DGKI: variants seen among roughly 807,000 people sequenced by gnomAD.
DGKI encodes DAG kinase iota.
A neutral mutation model predicts 147.5 loss-of-function variants in DGKI; 55 were observed. That is an observed-to-expected ratio of 0.37 (90% confidence interval 0.30 to 0.47). The LOEUF is 0.47. DGKI is among the 20% of genes least tolerant of loss of function. The pLI, the probability that DGKI is intolerant of heterozygous loss-of-function variation, is 1.00. For synonymous variants in DGKI, 469 were observed against 477.1 expected (o/e 0.98, Z 0.22); for missense variants, 1,007 against 1,323.8 (o/e 0.76, Z 3.71).
At chr7:137,439,376 C>A (rs1362037849) in intron 28 of DGKI, among the ~76,000 whole-genome samples, 1 of 152,166 alleles carries the variant, frequency 6.6e-6, no homozygotes, top group East Asian at 1.9e-4. Flanking sequence ...ACTCACAGTT[C>A]CATATGGCTG....
chr7:137,402,597 G>A (rs1811799893), intron 30 of DGKI, among the ~76,000 whole-genome samples: 1 of 152,178 alleles, frequency 6.6e-6, no homozygotes, highest in Admixed American at 6.5e-5. Context: ...TTTGTCACAT[G>A]CATCCTTTAA....
intron 20 of DGKI, among the ~76,000 whole-genome samples, chr7:137,535,325 T>A (rs936742686): frequency 6.6e-6 from 1 of 152,156 alleles, no homozygotes; most frequent in African/African-American, 2.4e-5. Context: ...GCCCTGGCTA[T>A]TCAGACCCTA....
chr7:137,624,991 T>C (rs1820884510), intron 6 of DGKI, among the ~76,000 whole-genome samples: 1 of 152,226 alleles, frequency 6.6e-6, no homozygotes, highest in Non-Finnish European at 1.5e-5. Flanking sequence ...CAACCAGGAC[T>C]GGTTTCACTA....
intron 20 of DGKI, among the ~76,000 whole-genome samples, chr7:137,549,510 T>C (rs1341698965): frequency 6.6e-6 from 1 of 152,230 alleles, no homozygotes; most frequent in African/African-American, 2.4e-5. Flanking sequence ...ACACAGAGGT[T>C]TTTAAGCTAA....
chr7:137,561,833 C>T (rs1284546356), intron 19 of DGKI, among the ~76,000 whole-genome samples: 4 of 151,710 alleles, frequency 2.6e-5, no homozygotes, highest in Admixed American at 2.6e-4. Context: ...AATATGGAGG[C>T]CAGAAGAAAA....
chr7:137,539,111 C>T (rs948213311), intron 20 of DGKI, among the ~76,000 whole-genome samples: 19 of 152,248 alleles, frequency 1.2e-4, no homozygotes, highest in Middle Eastern at 3.4e-3. Context: ...TTCTGGCAGC[C>T]GCAATGACAA....
rs192517236 is a variant in DGKI, at chr7:137,756,449, A to G, written c.402-66447T>C. On this transcript the variant is annotated intron_variant, in intron 1 of 32. Transcript: ENST00000614521. ...AGAAAGGTTATTTTTGTAAGACATGAGGGAATGATTATAATGATTTATTAA... is the reference window on the plus strand; with the variant it reads ...AGAAAGGTTATTTTTGTAAGACATGGGGGAATGATTATAATGATTTATTAA... Among the ~76,000 whole-genome samples the G allele has an allele frequency of 4.3e-4, 66 of 152,372 alleles. No homozygotes were observed. In the East Asian group the frequency reaches 0.012, roughly 28 times the overall value.
intron 1 of DGKI, among the ~76,000 whole-genome samples, chr7:137,739,736 C>A: frequency 6.6e-6 from 1 of 151,956 alleles, no homozygotes; most frequent in African/African-American, 2.4e-5. Context: ...ATCCTCCCAG[C>A]AGCTTTTATT....
At chr7:137,555,830 G>A (rs1563083174) in intron 19 of DGKI, among the ~76,000 whole-genome samples, 1 of 152,046 alleles carries the variant, frequency 6.6e-6, no homozygotes, top group Admixed American at 6.5e-5. Context: ...AAATGTTAAG[G>A]AAAGACAGTG....
intron 1 of DGKI, among the ~76,000 whole-genome samples, chr7:137,773,676 G>T (rs1796279278): frequency 6.6e-6 from 1 of 151,930 alleles, no homozygotes; most frequent in South Asian, 2.1e-4. Context: ...AGAATCCAAG[G>T]CCTAGAAAGA....
intron 15 of DGKI, among the ~76,000 whole-genome samples, chr7:137,580,782 C>T (rs1819160449): frequency 6.6e-6 from 1 of 152,118 alleles, no homozygotes; most frequent in South Asian, 2.1e-4. Flanking sequence ...ATCTGAAAAT[C>T]TGAATTCTAG....
At chr7:137,412,432 G>C (rs1348186954) in intron 28 of DGKI, among the ~76,000 whole-genome samples, 1 of 151,996 alleles carries the variant, frequency 6.6e-6, no homozygotes, top group African/African-American at 2.4e-5. Context: ...CTCCAGCCTT[G>C]GTACAGTAAA....
At position 137,493,667 on chromosome 7, in the gene DGKI, C is replaced by G. The variant is rs1435928245; in HGVS notation, c.2249-5978G>C. The G allele has an allele frequency of 7.3e-6, 5 of 682,068 alleles. No individual in the cohort carries two copies. The East Asian group carries it at 1.1e-4, about 15-fold the overall frequency. The allele number at this position is 682,068 out of a possible 1,614,324, so 42.3% of individuals were successfully genotyped here. On this transcript the variant is annotated intron_variant, in intron 21 of 32. Transcript: ENST00000614521. ...AAAGAAAATGAAAGCAAACAAAAAC[C>G]AAAAAAACATCTAAAAGATAGCAAC...
chr7:137,636,728 GGT>G, intron 6 of DGKI, among the ~76,000 whole-genome samples: 1 of 152,332 alleles, frequency 6.6e-6, no homozygotes, highest in African/African-American at 2.4e-5. Context: ...ACCGTTAGGA[GGT>G]GTTTGGGTGA....
chr7:137,492,033 T>A (rs370074202), intron 21 of DGKI, among the ~76,000 whole-genome samples: 1 of 152,168 alleles, frequency 6.6e-6, no homozygotes, highest in African/African-American at 2.4e-5. Flanking sequence ...ATGGGACATA[T>A]CTAGGACATC....
chr7:137,487,729 T>G, intron 21 of DGKI, 40 bp from the exon 22 acceptor site: 1 of 1,563,124 alleles, frequency 6.4e-7, no homozygotes, highest in Non-Finnish European at 8.8e-7. Flanking sequence ...AATAACATAT[T>G]TGATTTTTCT....
intron 20 of DGKI, among the ~76,000 whole-genome samples, chr7:137,541,900 C>A (rs1817715502): frequency 6.6e-6 from 1 of 151,518 alleles, no homozygotes. Flanking sequence ...AAAAAAAAAT[C>A]ATCTGGATTC....
chr7:137,622,010 G>A (rs1390199714), intron 7 of DGKI, among the ~76,000 whole-genome samples: 1 of 152,218 alleles, frequency 6.6e-6, no homozygotes, highest in African/African-American at 2.4e-5. Flanking sequence ...CAATAACTAG[G>A]ATGGCCTTAT....
chr7:137,546,260 A>G (rs1817863917), intron 20 of DGKI, among the ~76,000 whole-genome samples: 1 of 152,082 alleles, frequency 6.6e-6, no homozygotes, highest in Non-Finnish European at 1.5e-5. Context: ...CGGGGGGTGT[A>G]GGGGGATGAC....
Sources: gnomAD v4.1 joint callset for allele counts (sites outside exome capture counted in the v4.1 genomes callset) on GRCh38, gnomAD v4.1.1 for gene constraint, MANE v1.5 for transcripts, NCBI Gene and HGNC (gene_info 2026-07-23, HGNC 2026-07-21) for gene names.